PRKCA: variants seen among roughly 807,000 people sequenced by gnomAD.
The protein encoded by PRKCA is protein kinase C alpha type.
PRKCA carries 27 observed loss-of-function variants against 87.0 expected under a neutral mutation model. The ratio of observed to expected loss-of-function variants is 0.31; its 90% CI spans 0.23 to 0.43. The LOEUF is 0.43. Ranked by LOEUF, PRKCA falls within the 20% of genes least tolerant of loss-of-function variation. The pLI, the probability that PRKCA is intolerant of heterozygous loss-of-function variation, is 1.00. For missense variants in PRKCA, 518 were observed against 852.3 expected (o/e 0.61, Z 4.88); for synonymous variants, 329 against 311.1 (o/e 1.06, Z -0.61).
intron 3 of PRKCA, among the ~76,000 whole-genome samples, chr17:66,639,030 A>G (rs1400380173): frequency 2.6e-5 from 4 of 152,200 alleles, no homozygotes; most frequent in African/African-American, 7.2e-5. Flanking sequence ...TTTGCATTGG[A>G]GAAACCCTGA....
At chr17:66,587,693 ATG>A (rs1261398649) in intron 3 of PRKCA, among the ~76,000 whole-genome samples, 6 of 129,440 alleles carry the variant, frequency 4.6e-5, no homozygotes, top group Non-Finnish European at 6.7e-5. Context: ...GTGTGTGTAT[ATG>A]TATACATATA....
intron 3 of PRKCA, among the ~76,000 whole-genome samples, chr17:66,591,130 ATTGTTG>A (rs1193637710): frequency 6.6e-6 from 1 of 151,948 alleles, no homozygotes; most frequent in East Asian, 1.9e-4. Flanking sequence ...AGCTTTTATT[ATTGTTG>A]TTGTTGTTTA....
chr17:66,352,428 T>G (rs973995835), intron 2 of PRKCA, among the ~76,000 whole-genome samples: 1 of 151,724 alleles, frequency 6.6e-6, no homozygotes, highest in Non-Finnish European at 1.5e-5. Flanking sequence ...AGCCCAGGAG[T>G]TCTCTGCTGC....
chr17:66,419,212 T>G (rs1017999082), intron 2 of PRKCA, among the ~76,000 whole-genome samples: 2 of 152,214 alleles, frequency 1.3e-5, no homozygotes, highest in Non-Finnish European at 2.9e-5. Context: ...AGTCATGTGC[T>G]CAACACTGAT....
intron 8 of PRKCA, among the ~76,000 whole-genome samples, chr17:66,731,927 T>C (rs1204798314): frequency 6.6e-6 from 1 of 150,636 alleles, no homozygotes; most frequent in African/African-American, 2.4e-5. Flanking sequence ...GTAGCTGGGA[T>C]TACAGGCACG....
At position 66,574,722 on chromosome 17, in the gene PRKCA, C is replaced by CAA. The variant is rs56913809; in HGVS notation, c.289-66618_289-66617dup. On this transcript the variant is annotated intron_variant, in intron 3 of 16. Coordinates refer to ENST00000413366, the MANE Select transcript of PRKCA (RefSeq NM_002737.3). ...TAGCATGAAACAGATATTCCAAAAT[C>CAA]AAAAAAAAAAAAAAAATCCTAAATT... Among the ~76,000 whole-genome samples the CAA allele has an allele frequency of 9.3e-4, 122 of 131,198 alleles. 2 individuals carry two copies. Among genetic ancestry groups the CAA allele is most frequent in the Middle Eastern group, 7.5e-3 (2 of 268 alleles). 86.1% of individuals were successfully genotyped at this position (131,198 alleles called of 152,430 possible). A position where few individuals can be genotyped will look rare whatever the true frequency, so the allele number is the denominator to read the frequency against.
At chr17:66,463,126 C>A (rs1914930809) in intron 2 of PRKCA, among the ~76,000 whole-genome samples, 1 of 152,146 alleles carries the variant, frequency 6.6e-6, no homozygotes, top group African/African-American at 2.4e-5. Context: ...TATATGTGCG[C>A]TCTTAGTCCT....
intron 2 of PRKCA, chr17:66,364,295 G>A (rs1353384865): frequency 2.0e-5 from 3 of 152,192 alleles, no homozygotes; most frequent in African/African-American, 4.8e-5. Context: ...CTGCACTCCA[G>A]CCTGACCAAC....
intron 2 of PRKCA, among the ~76,000 whole-genome samples, chr17:66,399,346 G>A (rs28702503): frequency 0.014 from 2,189 of 152,172 alleles, 57 homozygotes; most frequent in African/African-American, 0.05. Context: ...TTCTCAGAGT[G>A]CTGGGATTAC....
intron 3 of PRKCA, among the ~76,000 whole-genome samples, chr17:66,523,907 A>G (rs1307048036): frequency 1.3e-5 from 2 of 152,148 alleles, no homozygotes; most frequent in African/African-American, 2.4e-5. Flanking sequence ...ACTAATTACT[A>G]TTTATAGTTG....
intron 2 of PRKCA, among the ~76,000 whole-genome samples, chr17:66,462,512 C>G (rs1220495704): frequency 1.3e-5 from 2 of 152,172 alleles, no homozygotes; most frequent in Admixed American, 6.5e-5. Flanking sequence ...ATTTTTACAA[C>G]CTTACATCTA....
At chr17:66,753,834 G>A (rs2144271528) in intron 13 of PRKCA, among the ~76,000 whole-genome samples, 2 of 152,246 alleles carry the variant, frequency 1.3e-5, no homozygotes, top group South Asian at 4.1e-4. Flanking sequence ...ACGGCACCAA[G>A]AGAGGCCTCA....
intron 2 of PRKCA, among the ~76,000 whole-genome samples, chr17:66,336,566 C>G (rs1486041508): frequency 1.6e-5 from 2 of 125,510 alleles, no homozygotes; most frequent in East Asian, 4.6e-4. Flanking sequence ...GTGCTTTGCT[C>G]TTTTTCCCCC....
intron 5 of PRKCA, among the ~76,000 whole-genome samples, chr17:66,672,607 A>T (rs1375670290): frequency 6.6e-6 from 1 of 152,234 alleles, no homozygotes; most frequent in South Asian, 2.1e-4. Flanking sequence ...GCATAAATAG[A>T]ACAAGAAAAA....
intron 2 of PRKCA, among the ~76,000 whole-genome samples, chr17:66,436,522 T>C (rs1913403198): frequency 6.6e-6 from 1 of 152,168 alleles, no homozygotes; most frequent in Non-Finnish European, 1.5e-5. Context: ...GTGCTTTTAT[T>C]ACGGTGAATA....
In PRKCA at chr17:66,738,870, T is replaced by G. The variant is rs551189692; in HGVS notation, c.1322+15T>G. The G allele has an allele frequency of 6.3e-7, 1 of 1,595,966 alleles. No individual in the cohort carries two copies. Among genetic ancestry groups the G allele is most frequent in the African/African-American group, 1.3e-5 (1 of 74,498 alleles). On this transcript the variant is annotated intron_variant, in intron 11 of 16. Coordinates refer to ENST00000413366, the MANE Select transcript of PRKCA (RefSeq NM_002737.3). ...CCACAAGCAGTGTGAGTATTATTTT[T>G]TAAGTCCTTTAATTTGAACAACCAA...
At chr17:66,324,696 G>C (rs1045693774) in intron 2 of PRKCA, among the ~76,000 whole-genome samples, 1 of 152,170 alleles carries the variant, frequency 6.6e-6, no homozygotes, top group Non-Finnish European at 1.5e-5. Context: ...CAGTAGACTG[G>C]AAATTAGGTA....
intron 3 of PRKCA, among the ~76,000 whole-genome samples, chr17:66,572,646 C>G (rs1598781088): frequency 6.6e-6 from 1 of 152,026 alleles, no homozygotes; most frequent in African/African-American, 2.4e-5. Flanking sequence ...ACCATAGGTG[C>G]ACAACACCAT....
At chr17:66,373,512 T>C (rs1214993542) in intron 2 of PRKCA, among the ~76,000 whole-genome samples, 3 of 152,226 alleles carry the variant, frequency 2.0e-5, no homozygotes, top group Non-Finnish European at 4.4e-5. Context: ...CCCCAAAATA[T>C]TCATGATATC....
Sources: allele counts gnomAD v4.1 joint callset (sites outside exome capture counted in the v4.1 genomes callset), GRCh38; gene constraint gnomAD v4.1.1; transcripts MANE v1.5; gene names NCBI Gene and HGNC (gene_info 2026-07-23, HGNC 2026-07-21).